Variants in PTPRN2 observed in about 807,000 individuals in gnomAD.
PTPRN2 encodes the protein protein tyrosine phosphatase receptor type N2, also known as receptor-type tyrosine-protein phosphatase N2.
PTPRN2 carries 74 observed loss-of-function variants against 118.8 expected under a neutral mutation model. The observed-to-expected ratio is 0.62, with a 90% confidence interval of 0.52 to 0.76. The LOEUF (loss-of-function observed/expected upper bound fraction) is 0.76, where lower values mean the gene tolerates loss of function less well. PTPRN2 is among the 30% of genes least tolerant of loss of function. The pLI, the probability that PTPRN2 is intolerant of heterozygous loss-of-function variation, is 0.00. For missense variants in PTPRN2, 1,481 were observed against 1,394.4 expected (o/e 1.06, Z -0.99); for synonymous variants, 641 against 608.0 (o/e 1.05, Z -0.80).
intron 6 of PTPRN2, among the ~76,000 whole-genome samples, chr7:158,139,201 G>A (rs11763127): frequency 1.3e-5 from 2 of 152,092 alleles, no homozygotes; most frequent in Non-Finnish European, 2.9e-5. Context: ...TGATTAGAGC[G>A]AGGAGACAAG....
At chr7:158,246,802 C>T (rs1369432966) in intron 3 of PTPRN2, among the ~76,000 whole-genome samples, 3 of 151,952 alleles carry the variant, frequency 2.0e-5, no homozygotes, top group East Asian at 3.9e-4. Context: ...ATGGCCATGC[C>T]GGAATCCGTG....
intron 1 of PTPRN2, among the ~76,000 whole-genome samples, chr7:158,543,916 C>A (rs1332829787): frequency 2.0e-5 from 3 of 152,224 alleles, no homozygotes; most frequent in Admixed American, 1.3e-4. Flanking sequence ...ACAAGGCAAC[C>A]CTCAAGAAGC....
chr7:158,329,560 C>T (rs1429393106), intron 2 of PTPRN2, among the ~76,000 whole-genome samples: 7 of 152,186 alleles, frequency 4.6e-5, no homozygotes, highest in Admixed American at 2.0e-4. Context: ...GGAGGGGACT[C>T]GCCAGACACC....
chr7:157,556,822 G>GGA (rs1554491188), intron 21 of PTPRN2, among the ~76,000 whole-genome samples: 2 of 151,138 alleles, frequency 1.3e-5, no homozygotes, highest in African/African-American at 4.9e-5. Context: ...TCATACATAT[G>GGA]CACACACAAA....
At chr7:157,704,146 C>A (rs1337877743) in intron 12 of PTPRN2, among the ~76,000 whole-genome samples, 2 of 152,206 alleles carry the variant, frequency 1.3e-5, no homozygotes, top group Non-Finnish European at 2.9e-5. Context: ...TTAGAGGAAG[C>A]TCTGCCACTA....
intron 12 of PTPRN2, among the ~76,000 whole-genome samples, chr7:157,855,122 A>C (rs113561414): frequency 5.8e-4 from 66 of 114,614 alleles, no homozygotes; most frequent in Non-Finnish European, 7.6e-4. Flanking sequence ...ATCGGGGAGG[A>C]TGGCTGCACG....
At chr7:158,254,028 A>G (rs60707938) in intron 3 of PTPRN2, among the ~76,000 whole-genome samples, 129 of 12,764 alleles carry the variant, frequency 0.01, 12 homozygotes, top group African/African-American at 0.097. Flanking sequence ...ACTGGACAGC[A>G]GCACAGAGCC....
chr7:158,158,235 T>C (rs10224535), intron 6 of PTPRN2, among the ~76,000 whole-genome samples: 94,421 of 152,004 alleles, frequency 0.62, 30,341 homozygotes, highest in East Asian at 0.79. Context: ...GAAGCATTGG[T>C]ATCAGTTATT....
intron 11 of PTPRN2, among the ~76,000 whole-genome samples, chr7:157,958,345 A>G (rs904659814): frequency 6.6e-6 from 1 of 152,202 alleles, no homozygotes; most frequent in Non-Finnish European, 1.5e-5. Flanking sequence ...GAACAATATG[A>G]GGAGGCCTGC....
chr7:157,662,976 C>G (rs2150759137), intron 13 of PTPRN2, among the ~76,000 whole-genome samples: 1 of 152,252 alleles, frequency 6.6e-6, no homozygotes, highest in Middle Eastern at 3.4e-3. Context: ...AAGTTCACAC[C>G]TCATTCAACC....
intron 3 of PTPRN2, among the ~76,000 whole-genome samples, chr7:158,301,905 G>C (rs1461111701): frequency 1.3e-5 from 2 of 152,114 alleles, no homozygotes; most frequent in East Asian, 1.9e-4. Context: ...AGCCGAGATT[G>C]TGCCGCTGTA....
chr7:158,019,193 A>G (rs138967105), intron 11 of PTPRN2, among the ~76,000 whole-genome samples: 184 of 152,270 alleles, frequency 1.2e-3, no homozygotes, highest in African/African-American at 4.4e-3. Context: ...CACTGGCAAA[A>G]TGCCACTCAG....
intron 12 of PTPRN2, among the ~76,000 whole-genome samples, chr7:157,762,531 G>A (rs1802196306): frequency 6.8e-6 from 1 of 147,396 alleles, no homozygotes; most frequent in Non-Finnish European, 1.5e-5. Context: ...ACTCATAGGT[G>A]GGAATTGAAC....
chr7:157,979,741 C>T lies in PTPRN2; in HGVS notation c.1724-81004G>A, dbSNP rs79598512. Reference sequence around the variant, plus strand: ...CTCTGCAGGGGGTGCCGCTGAATGCCGGTCCTTGGAGGTATGGGCTGGACT... The same window carrying T: ...CTCTGCAGGGGGTGCCGCTGAATGCTGGTCCTTGGAGGTATGGGCTGGACT... On this transcript the variant is annotated intron_variant, in intron 11 of 22. Transcript: ENST00000389418. Among the ~76,000 whole-genome samples, 1,217 of 152,300 alleles carry T rather than the reference C, an allele frequency of 8.0e-3. 12 individuals are homozygous for T. Among genetic ancestry groups the T allele is most frequent in the African/African-American group, 0.028 (1,156 of 41,566 alleles).
At chr7:157,649,356 C>T (rs1395575858) in intron 14 of PTPRN2, among the ~76,000 whole-genome samples, 2 of 83,144 alleles carry the variant, frequency 2.4e-5, no homozygotes, top group East Asian at 5.3e-4. Flanking sequence ...TCAGACCCAT[C>T]CAGCGTGCAC....
rs750552342 is a variant in PTPRN2, at chr7:157,549,071, C to T, written c.2903-52G>A. 2.6e-6 allele frequency: 4 copies of T among 1,540,910 alleles called. No individual in the cohort carries two copies. In the South Asian group the frequency reaches 4.5e-5, roughly 17 times the overall value. On this transcript the variant is annotated intron_variant, in intron 21 of 22. Coordinates refer to ENST00000389418, the MANE Select transcript of PTPRN2 (RefSeq NM_002847.5). ...GTTCAGAGCACAAGATAATCCATGC[C>T]ACATCTGTCAATCTCCTGCTAGCCA...
chr7:157,682,430 C>T (rs1000184657), intron 13 of PTPRN2, among the ~76,000 whole-genome samples: 9 of 152,192 alleles, frequency 5.9e-5, no homozygotes, highest in African/African-American at 1.9e-4. Context: ...ACTAAGATAA[C>T]AGATAATACA....
At chr7:157,607,704 CG>C (rs991821525) in intron 15 of PTPRN2, among the ~76,000 whole-genome samples, 4 of 152,318 alleles carry the variant, frequency 2.6e-5, no homozygotes, top group African/African-American at 9.6e-5. Context: ...CAACAGGCCA[CG>C]GGGAAAGTGG....
rs1428986198 is a variant in PTPRN2 at position 157,550,091 on chromosome 7, C to T, written c.2903-1072G>A. Among the ~76,000 whole-genome samples the T allele has an allele frequency of 6.6e-6, 1 of 152,212 alleles. No individual in the cohort carries two copies. Among genetic ancestry groups the T allele is most frequent in the Non-Finnish European group, 1.5e-5 (1 of 68,040 alleles). On this transcript the variant is annotated intron_variant, in intron 21 of 22. Coordinates refer to ENST00000389418, the MANE Select transcript of PTPRN2 (RefSeq NM_002847.5). This position sits in a 1 kb window ranked among gnomAD's most constrained non-coding sequence, Gnocchi z 5.2. ...CCGGGTGGCCCAGAGTCAGGTGGTC[C>T]CCAGGCCTTTCTCTCCGGCCGCAAC...
Sources: gnomAD v4.1 joint callset for allele counts (sites outside exome capture counted in the v4.1 genomes callset) on GRCh38, gnomAD v4.1.1 for gene constraint, Gnocchi (gnomAD v3.1) non-coding constraint, MANE v1.5 for transcripts, NCBI Gene and HGNC (gene_info 2026-07-23, HGNC 2026-07-21) for gene names.